Variants in MTUS1 observed in about 807,000 individuals in gnomAD.
The protein encoded by MTUS1 is microtubule associated scaffold protein 1.
A neutral mutation model predicts 120.8 loss-of-function variants in MTUS1; 109 were observed. The observed-to-expected ratio is 0.90, with a 90% CI of 0.77 to 1.06. The LOEUF is 1.06. MTUS1 is among the 50% of genes least tolerant of loss of function. The pLI is 0.00. For synonymous variants in MTUS1, 737 were observed against 550.5 expected (o/e 1.34, Z -4.74); for missense variants, 2,210 against 1,486.3 (o/e 1.49, Z -8.01).
At chr8:17,652,258 G>A (rs1027813625) in intron 12 of MTUS1, among the ~76,000 whole-genome samples, 4 of 152,174 alleles carry the variant, frequency 2.6e-5, no homozygotes, top group African/African-American at 9.7e-5. Context: ...CAAGAGATTT[G>A]TACTTTTCAG....
chr8:17,694,593 G>C (rs1283524634), intron 6 of MTUS1, among the ~76,000 whole-genome samples: 1 of 152,024 alleles, frequency 6.6e-6, no homozygotes, highest in South Asian at 2.1e-4. Flanking sequence ...GCTTGAACCT[G>C]GGAGGCGGAG....
intron 1 of MTUS1, among the ~76,000 whole-genome samples, chr8:17,793,511 T>C (rs1360108420): frequency 2.0e-5 from 3 of 152,124 alleles, no homozygotes; most frequent in African/African-American, 7.2e-5. Flanking sequence ...TCCCATGCCA[T>C]CAGAGCTCTA....
chr8:17,646,907 G>C (rs919996408), intron 14 of MTUS1, 75 bp downstream of exon 14: 15 of 1,006,532 alleles, frequency 1.5e-5, no homozygotes, highest in African/African-American at 6.3e-5. Context: ...TGCAGGGGTA[G>C]AGCGTGTCCA....
At chr8:17,710,636 C>G (rs1328695659) in intron 6 of MTUS1, among the ~76,000 whole-genome samples, 2 of 152,226 alleles carry the variant, frequency 1.3e-5, no homozygotes, top group African/African-American at 4.8e-5. Context: ...CACGTTGGTG[C>G]TCTGACCTCC....
At chr8:17,767,150 ACTTTT>A (rs2049575212) in intron 1 of MTUS1, among the ~76,000 whole-genome samples, 1 of 144,082 alleles carries the variant, frequency 6.9e-6, no homozygotes, top group Non-Finnish European at 1.5e-5. Flanking sequence ...ATAATGACCG[ACTTTT>A]CTTTTTTCAC....
At chr8:17,735,736 T>C (rs2046879682) in intron 3 of MTUS1, among the ~76,000 whole-genome samples, 1 of 152,254 alleles carries the variant, frequency 6.6e-6, no homozygotes, top group African/African-American at 2.4e-5. Context: ...CGCACAGGTC[T>C]CCATTCAAAT....
chr8:17,671,411 G>C (rs1265010565), intron 8 of MTUS1, among the ~76,000 whole-genome samples: 1 of 152,110 alleles, frequency 6.6e-6, no homozygotes, highest in African/African-American at 2.4e-5. Flanking sequence ...ATACCTGAAG[G>C]TAACAAGAAA....
intron 6 of MTUS1, among the ~76,000 whole-genome samples, chr8:17,696,922 G>T (rs572310846): frequency 5.3e-4 from 80 of 152,300 alleles, no homozygotes; most frequent in African/African-American, 1.9e-3. Flanking sequence ...AAATTTACCT[G>T]TGTCCTATTT....
At chr8:17,697,139 TAG>T (rs1818127389) in intron 6 of MTUS1, 1 of 1,296,586 alleles carries the variant, frequency 7.7e-7, no homozygotes, top group Non-Finnish European at 1.1e-6. Flanking sequence ...CATCTCTCAT[TAG>T]AGAGAGCTTT....
At chr8:17,656,141 C>A in intron 8 of MTUS1, 76 bp from the exon 9 acceptor site, 1 of 1,323,868 alleles carries the variant, frequency 7.6e-7, no homozygotes, top group Non-Finnish European at 1.1e-6. Flanking sequence ...CAGTCACACA[C>A]AGCTGTGATG....
intron 2 of MTUS1, chr8:17,748,254 G>C (rs946124853): frequency 1.3e-5 from 2 of 152,262 alleles, no homozygotes; most frequent in Non-Finnish European, 2.9e-5. Flanking sequence ...TTGGAGAAGA[G>C]CCAAGTGTAG....
chr8:17,782,014 T>C (rs2050910682), intron 1 of MTUS1, among the ~76,000 whole-genome samples: 1 of 152,210 alleles, frequency 6.6e-6, no homozygotes. Flanking sequence ...CTGATGGCCC[T>C]CGGTTGGCCA....
intron 3 of MTUS1, among the ~76,000 whole-genome samples, chr8:17,732,044 A>AG (rs2046620517): frequency 6.6e-6 from 1 of 152,206 alleles, no homozygotes; most frequent in South Asian, 2.1e-4. Context: ...AAACAAAGAG[A>AG]GGAGGAGGTC....
chr8:17,789,262 C>T (rs1184022454), intron 1 of MTUS1, among the ~76,000 whole-genome samples: 1 of 152,154 alleles, frequency 6.6e-6, no homozygotes. Flanking sequence ...AACTCCCAAT[C>T]TCAGGTGATC....
At chr8:17,695,988 G>C (rs112745972) in intron 6 of MTUS1, among the ~76,000 whole-genome samples, 2,376 of 152,192 alleles carry the variant, frequency 0.016, 63 homozygotes, top group African/African-American at 0.054. Flanking sequence ...GTGGATTACA[G>C]TATTTTTAAA....
At chr8:17,714,595 G>T (rs1821949620) in intron 5 of MTUS1, among the ~76,000 whole-genome samples, 1 of 152,184 alleles carries the variant, frequency 6.6e-6, no homozygotes, top group Admixed American at 6.5e-5. Context: ...GCCATTTAAA[G>T]TGAAGAAGCT....
intron 1 of MTUS1, among the ~76,000 whole-genome samples, chr8:17,794,473 T>C (rs1041973552): frequency 2.0e-5 from 3 of 152,228 alleles, no homozygotes; most frequent in African/African-American, 7.2e-5. Context: ...ATGTGGGGCC[T>C]AGATTGGGGA....
At chr8:17,674,959 A>C in intron 8 of MTUS1, 3 of 1,279,820 alleles carry the variant, frequency 2.3e-6, no homozygotes, top group Non-Finnish European at 3.0e-6. Context: ...TGCTCATCAG[A>C]AGTTCTGCTA....
intron 8 of MTUS1, among the ~76,000 whole-genome samples, chr8:17,667,992 G>A (rs1011445111): frequency 2.0e-5 from 3 of 152,086 alleles, no homozygotes; most frequent in Non-Finnish European, 4.4e-5. Context: ...AGTGAATTAA[G>A]GATTAAAATC....
Sources: allele counts gnomAD v4.1 joint callset (sites outside exome capture counted in the v4.1 genomes callset), GRCh38; gene constraint gnomAD v4.1.1; transcripts MANE v1.5; gene names NCBI Gene and HGNC (gene_info 2026-07-23, HGNC 2026-07-21).